Variants in AMPH observed in about 807,000 individuals in gnomAD.
AMPH encodes amphiphysin, also known as amphiphysin (Stiff-Mann syndrome with breast cancer 128kD autoantigen).
Under a neutral mutation model 99.1 loss-of-function variants are expected in AMPH, and 49 were observed. That is an observed-to-expected ratio of 0.49 (90% CI 0.39 to 0.63). The LOEUF is 0.63. Ranked by LOEUF, AMPH falls within the 20% of genes least tolerant of loss-of-function variation. AMPH has a pLI of 0.00. For missense variants in AMPH, 759 were observed against 863.4 expected (o/e 0.88, Z 1.52); for synonymous variants, 314 against 317.3 (o/e 0.99, Z 0.11).
At chr7:38,398,106 CA>C (rs36053688) in intron 17 of AMPH, among the ~76,000 whole-genome samples, 2,839 of 65,626 alleles carry the variant, frequency 0.043, 61 homozygotes, top group African/African-American at 0.12. Flanking sequence ...GGAGGTTCCT[CA>C]AAAAAAAAAA....
At chr7:38,510,891 T>A (rs1789513722) in intron 2 of AMPH, among the ~76,000 whole-genome samples, 1 of 152,196 alleles carries the variant, frequency 6.6e-6, no homozygotes, top group South Asian at 2.1e-4. Context: ...CACTAGTTTT[T>A]CTCAAAGTCC....
At chr7:38,447,661 T>C (rs1048705214) in intron 11 of AMPH, among the ~76,000 whole-genome samples, 6 of 151,872 alleles carry the variant, frequency 4.0e-5, no homozygotes, top group Non-Finnish European at 7.4e-5. Context: ...ATAAAATGTA[T>C]AAAATCTGTA....
At chr7:38,608,815 T>C (rs773124446) in intron 1 of AMPH, among the ~76,000 whole-genome samples, 1 of 152,194 alleles carries the variant, frequency 6.6e-6, no homozygotes, top group Non-Finnish European at 1.5e-5. Flanking sequence ...ATGACCATGT[T>C]CTTCAACCTG....
chr7:38,395,639 A>G (rs1212451135), intron 17 of AMPH, among the ~76,000 whole-genome samples: 2 of 152,230 alleles, frequency 1.3e-5, no homozygotes, highest in Non-Finnish European at 2.9e-5. Context: ...TCCGGGACAC[A>G]TATTTCAAAA....
Position 38,463,030 on chromosome 7 carries a change from T to C in AMPH, c.833A>G (p.Asn278Ser). Residue 278 changes from asparagine (N) to serine (S), a missense_variant, in exon 10 of 21, where the codon AAT becomes AGT. This residue lies in a region of AMPH where 554 missense variants were observed against 575.6 expected (regional missense o/e 0.96). Coordinates refer to ENST00000356264, the MANE Select transcript of AMPH (RefSeq NM_001635.4). ...SPLPSPTASP[N>S]HTLAPASPAP... ...GGGAGACGCAGGTGCTAATGTATGATTTGGACTTGCTGTCGGGCTCGGGAG... is the reference window on the plus strand; with the variant it reads ...GGGAGACGCAGGTGCTAATGTATGACTTGGACTTGCTGTCGGGCTCGGGAG... The C allele has an allele frequency of 6.2e-7, 1 of 1,610,064 alleles. No individual in the cohort carries two copies. The highest frequency in any genetic ancestry group is 8.5e-7 in the Non-Finnish European group (1 of 1,178,286).
chr7:38,471,603 T>C (rs78672277), intron 7 of AMPH, among the ~76,000 whole-genome samples: 3,806 of 152,202 alleles, frequency 0.025, 60 homozygotes, highest in South Asian at 0.087. Context: ...ATTACCAAAA[T>C]AGTAGACAGA....
chr7:38,578,295 T>C (rs539013763), intron 1 of AMPH, among the ~76,000 whole-genome samples: 1 of 152,300 alleles, frequency 6.6e-6, no homozygotes, highest in African/African-American at 2.4e-5. Flanking sequence ...CTACTGCAAA[T>C]ACAAGGACTT....
intron 1 of AMPH, among the ~76,000 whole-genome samples, chr7:38,561,725 G>A (rs150758055): frequency 2.0e-5 from 3 of 152,258 alleles, no homozygotes; most frequent in Non-Finnish European, 4.4e-5. Context: ...GGGCCTCTGG[G>A]AGGCAAATAG....
intron 1 of AMPH, among the ~76,000 whole-genome samples, chr7:38,628,598 A>G (rs758179693): frequency 3.0e-4 from 46 of 152,254 alleles, no homozygotes; most frequent in Non-Finnish European, 6.2e-4. Context: ...AAGGATGTTC[A>G]TAATTATGAA....
chr7:38,600,032 T>C (rs563415925), intron 1 of AMPH, among the ~76,000 whole-genome samples: 1 of 152,146 alleles, frequency 6.6e-6, no homozygotes, highest in Admixed American at 6.5e-5. Flanking sequence ...TAAGGACCAC[T>C]CCCAAACAAC....
chr7:38,405,187 G>T (rs1459827518), intron 17 of AMPH, among the ~76,000 whole-genome samples: 1 of 152,116 alleles, frequency 6.6e-6, no homozygotes, highest in Non-Finnish European at 1.5e-5. Flanking sequence ...CCACTAGACT[G>T]GTCATACAAG....
At chr7:38,586,466 ACTACT>A (rs1277278768) in intron 1 of AMPH, among the ~76,000 whole-genome samples, 1 of 152,212 alleles carries the variant, frequency 6.6e-6, no homozygotes, top group African/African-American at 2.4e-5. Flanking sequence ...CAATTTCAAA[ACTACT>A]CTAAACAGTA....
intron 1 of AMPH, among the ~76,000 whole-genome samples, chr7:38,569,596 T>A (rs1791870724): frequency 6.6e-6 from 1 of 151,932 alleles, no homozygotes; most frequent in South Asian, 2.1e-4. Context: ...TATAATAAAT[T>A]GATATAACAT....
intron 3 of AMPH, among the ~76,000 whole-genome samples, chr7:38,499,689 A>T (rs760208346): frequency 4.6e-4 from 70 of 152,216 alleles, no homozygotes; most frequent in Non-Finnish European, 7.8e-4. Flanking sequence ...GCCTTTGAAA[A>T]TGTAAATTAT....
At chr7:38,473,929 C>T (rs2129013709) in intron 7 of AMPH, among the ~76,000 whole-genome samples, 1 of 151,988 alleles carries the variant, frequency 6.6e-6, no homozygotes, top group East Asian at 1.9e-4. Context: ...TAAATCCTCT[C>T]TGGGGGAGAG....
intron 1 of AMPH, among the ~76,000 whole-genome samples, chr7:38,630,916 A>AGATGCGAGCGCG (rs1472981572): frequency 2.7e-5 from 4 of 150,718 alleles, no homozygotes; most frequent in Admixed American, 6.5e-5. Context: ...ATGCGAGCGC[A>AGATGCGAGCGCG]GGGAGATGCG....
chr7:38,429,063 C>T (rs1289896281), intron 14 of AMPH: 2 of 1,290,260 alleles, frequency 1.6e-6, no homozygotes, highest in Non-Finnish European at 2.0e-6. Context: ...TACCTTTTGA[C>T]ACGCCTCCAC....
intron 1 of AMPH, among the ~76,000 whole-genome samples, chr7:38,586,566 A>G: frequency 6.6e-6 from 1 of 152,010 alleles, no homozygotes; most frequent in Non-Finnish European, 1.5e-5. Flanking sequence ...CTTTTCTCAT[A>G]TATATATATC....
chr7:38,441,819 C>CATATATCAT (rs70977406), intron 11 of AMPH, among the ~76,000 whole-genome samples: 39 of 70,668 alleles, frequency 5.5e-4, no homozygotes, highest in Non-Finnish European at 2.4e-4. Flanking sequence ...TCATATATAT[C>CATATATCAT]ATATATCATA....
Sources: allele counts gnomAD v4.1 joint callset (sites outside exome capture counted in the v4.1 genomes callset), GRCh38; gene constraint gnomAD v4.1.1; regional missense constraint gnomAD v4.1.1; transcripts MANE v1.5; gene names NCBI Gene and HGNC (gene_info 2026-07-23, HGNC 2026-07-21).